CSMD1: variants seen among roughly 807,000 people sequenced by gnomAD.
CSMD1 encodes CUB and Sushi multiple domains 1, also known as CUB and sushi domain-containing protein 1.
Under a neutral mutation model 417.5 loss-of-function variants are expected in CSMD1, and 213 were observed. The observed-to-expected ratio is 0.51, with a 90% CI of 0.46 to 0.57. CSMD1 has a LOEUF of 0.57. Ranked by LOEUF, CSMD1 falls within the 20% of genes least tolerant of loss-of-function variation. CSMD1 has a pLI of 0.00. For synonymous variants in CSMD1, 2,862 were observed against 1,736.8 expected, an observed-to-expected ratio of 1.65 and a Z score of -16.11; for missense variants, 6,923 against 4,529.7, an observed-to-expected ratio of 1.53 and a Z score of -15.17.
At chr8:4,567,149 T>G (rs1446475703) in intron 2 of CSMD1, among the ~76,000 whole-genome samples, 1 of 152,218 alleles carries the variant, frequency 6.6e-6, no homozygotes, top group African/African-American at 2.4e-5. Flanking sequence ...CTCAGAGTAT[T>G]CCATGAATGT....
chr8:4,386,455 T>C (rs1425409047), intron 3 of CSMD1, among the ~76,000 whole-genome samples: 1 of 152,012 alleles, frequency 6.6e-6, no homozygotes, highest in African/African-American at 2.4e-5. Flanking sequence ...CTCCTCTCTT[T>C]ACATGTCCAT....
chr8:4,110,472 T>A (rs537050221), intron 3 of CSMD1, among the ~76,000 whole-genome samples: 4 of 152,272 alleles, frequency 2.6e-5, no homozygotes, highest in South Asian at 4.1e-4. Context: ...TCATAAATAC[T>A]CCAAGAAATG....
intron 3 of CSMD1, among the ~76,000 whole-genome samples, chr8:4,339,409 G>A (rs1274642492): frequency 6.6e-6 from 1 of 152,006 alleles, no homozygotes; most frequent in Non-Finnish European, 1.5e-5. Flanking sequence ...TCTCAGTCCA[G>A]GCTCTCTTTC....
intron 49 of CSMD1, among the ~76,000 whole-genome samples, chr8:3,078,883 C>G (rs909171081): frequency 6.6e-6 from 1 of 152,124 alleles, no homozygotes; most frequent in Non-Finnish European, 1.5e-5. Flanking sequence ...TGACTGCATG[C>G]GAGTTCCTTT....
intron 41 of CSMD1, among the ~76,000 whole-genome samples, chr8:3,121,390 A>G (rs1279883284): frequency 6.6e-6 from 1 of 152,214 alleles, no homozygotes; most frequent in Non-Finnish European, 1.5e-5. Flanking sequence ...AAAAATCGAG[A>G]TCAGAGGACA....
At chr8:4,958,440 G>A (rs1425256080) in intron 1 of CSMD1, among the ~76,000 whole-genome samples, 4 of 152,112 alleles carry the variant, frequency 2.6e-5, no homozygotes, top group African/African-American at 9.7e-5. Flanking sequence ...GTAGATGAAG[G>A]TTAAAAGTAT....
chr8:4,130,940 C>G (rs1803064978), intron 3 of CSMD1, among the ~76,000 whole-genome samples: 1 of 152,002 alleles, frequency 6.6e-6, no homozygotes, highest in South Asian at 2.1e-4. Context: ...TTCTGAATAT[C>G]ATATCTAATC....
In CSMD1 at chr8:4,923,498, CTAAATA is replaced by C. The variant is rs372606840; in HGVS notation, c.85+70828_85+70833del. ...TCAAAACATCTTATGTACTTTCTCT[CTAAATA>C]TAAATAAACACACATATATATTCAT... is the stretch of plus-strand genomic sequence containing the variant. On this transcript the variant is annotated intron_variant, in intron 1 of 69. Coordinates refer to ENST00000635120, the MANE Select transcript of CSMD1 (RefSeq NM_033225.6). Among the ~76,000 whole-genome samples the C allele has an allele frequency of 2.8e-3, 417 of 151,046 alleles. 6 individuals are homozygous for C. Among genetic ancestry groups the C allele is most frequent in the African/African-American group, 9.0e-3 (373 of 41,264 alleles).
At chr8:4,353,641 G>A (rs973672539) in intron 3 of CSMD1, among the ~76,000 whole-genome samples, 1 of 151,936 alleles carries the variant, frequency 6.6e-6, no homozygotes, top group Non-Finnish European at 1.5e-5. Context: ...AACGGGACAG[G>A]CTAAACCTTC....
At chr8:4,412,589 A>C (rs778555355) in intron 3 of CSMD1, among the ~76,000 whole-genome samples, 4 of 151,778 alleles carry the variant, frequency 2.6e-5, no homozygotes, top group Admixed American at 6.6e-5. Context: ...ATACAGCCTC[A>C]CAAGTGGAAT....
At chr8:3,757,388 C>T (rs1563346804) in intron 5 of CSMD1, among the ~76,000 whole-genome samples, 1 of 152,198 alleles carries the variant, frequency 6.6e-6, no homozygotes, top group Non-Finnish European at 1.5e-5. Context: ...GTTCCAATAA[C>T]ACTTTATTTA....
chr8:4,102,535 C>A (rs1271553099), intron 3 of CSMD1, among the ~76,000 whole-genome samples: 1 of 152,072 alleles, frequency 6.6e-6, no homozygotes, highest in Non-Finnish European at 1.5e-5. Context: ...GGCTTATGGT[C>A]ACTGAAATGT....
chr8:3,800,281 T>C (rs960206497), intron 5 of CSMD1, among the ~76,000 whole-genome samples: 1 of 152,156 alleles, frequency 6.6e-6, no homozygotes, highest in African/African-American at 2.4e-5. Context: ...ACAAGAAGTT[T>C]AATGCCATGA....
intron 2 of CSMD1, among the ~76,000 whole-genome samples, chr8:4,591,596 T>G (rs1251672077): frequency 6.6e-6 from 1 of 152,092 alleles, no homozygotes; most frequent in Non-Finnish European, 1.5e-5. Context: ...CAAGCAGCTT[T>G]CCAAGGGTAG....
intron 1 of CSMD1, among the ~76,000 whole-genome samples, chr8:4,786,177 G>A (rs1220072456): frequency 6.6e-6 from 1 of 152,170 alleles, no homozygotes; most frequent in Non-Finnish European, 1.5e-5. Context: ...CAACCCACCT[G>A]CTCTACCATC....
chr8:4,461,869 T>G (rs1722735647), intron 2 of CSMD1, among the ~76,000 whole-genome samples: 1 of 151,258 alleles, frequency 6.6e-6, no homozygotes, highest in Non-Finnish European at 1.5e-5. Context: ...GCCTCCCGAG[T>G]AGCTCGGACT....
At chr8:4,958,738 A>G (rs1250237028) in intron 1 of CSMD1, among the ~76,000 whole-genome samples, 1 of 151,918 alleles carries the variant, frequency 6.6e-6, no homozygotes, top group East Asian at 1.9e-4. Flanking sequence ...AAGCTTTTAT[A>G]TAAGTCATCA....
intron 2 of CSMD1, among the ~76,000 whole-genome samples, chr8:4,444,258 C>A (rs1798650564): frequency 7.1e-6 from 1 of 141,314 alleles, no homozygotes; most frequent in Non-Finnish European, 1.5e-5. Flanking sequence ...AGGAGAATTG[C>A]TTGAACCTGG....
chr8:4,252,255 C>G (rs1341569088), intron 3 of CSMD1, among the ~76,000 whole-genome samples: 1 of 152,192 alleles, frequency 6.6e-6, no homozygotes, highest in Non-Finnish European at 1.5e-5. Flanking sequence ...CTGGCTTCAG[C>G]CTTCTGCCCA....
Sources: allele counts gnomAD v4.1 joint callset (sites outside exome capture counted in the v4.1 genomes callset), GRCh38; gene constraint gnomAD v4.1.1; transcripts MANE v1.5; gene names NCBI Gene and HGNC (gene_info 2026-07-23, HGNC 2026-07-21).